The following FGF14 variants were observed in gnomAD, a reference collection of about 807,000 sequenced individuals.
FGF14 encodes fibroblast growth factor 14, also known as fibroblast growth factor homologous factor 4.
FGF14 carries 5 observed loss-of-function variants against 25.5 expected under a neutral mutation model. The observed-to-expected ratio is 0.20, with a 90% CI of 0.10 to 0.41. The LOEUF (loss-of-function observed/expected upper bound fraction) is 0.41, where lower values mean the gene tolerates loss of function less well. Among genes scored for constraint, FGF14 ranks in the 10% least tolerant of loss-of-function variants. FGF14 has a pLI of 1.00. For synonymous variants in FGF14, 138 were observed against 118.3 expected (o/e 1.17, Z -1.08); for missense variants, 222 against 320.1 (o/e 0.69, Z 2.34).
intron 1 of FGF14, among the ~76,000 whole-genome samples, chr13:102,302,222 A>C (rs1422253956): frequency 3.3e-5 from 5 of 152,168 alleles, no homozygotes; most frequent in African/African-American, 1.2e-4. Context: ...AGTGCCAGTT[A>C]ACCATGTTGG....
intron 1 of FGF14, among the ~76,000 whole-genome samples, chr13:101,898,341 AACACAC>A (rs55676818): frequency 0.011 from 1,545 of 144,462 alleles, 33 homozygotes; most frequent in African/African-American, 0.037. Flanking sequence ...TGAAACATAC[AACACAC>A]ACACACACAC....
At chr13:102,131,096 T>C (rs1330115774) in intron 1 of FGF14, among the ~76,000 whole-genome samples, 1 of 152,210 alleles carries the variant, frequency 6.6e-6, no homozygotes, top group African/African-American at 2.4e-5. Context: ...CTCCAATTGA[T>C]GTGTTTCTGG....
intron 1 of FGF14, among the ~76,000 whole-genome samples, chr13:102,267,552 G>A (rs1311119044): frequency 1.3e-5 from 2 of 152,052 alleles, no homozygotes. Flanking sequence ...TACATGTAAA[G>A]GATATATGTA....
chr13:101,760,006 T>C (rs535689866), intron 3 of FGF14, among the ~76,000 whole-genome samples: 25 of 152,296 alleles, frequency 1.6e-4, no homozygotes, highest in African/African-American at 5.1e-4. Context: ...TTGTGTTTCT[T>C]CATCTAATAC....
chr13:101,971,397 G>A (rs1367450692), intron 1 of FGF14, among the ~76,000 whole-genome samples: 1 of 150,532 alleles, frequency 6.6e-6, no homozygotes, highest in African/African-American at 2.4e-5. Flanking sequence ...TTTGAAATGG[G>A]TCTCACTCTG....
chr13:102,311,101 C>T (rs193123342), intron 1 of FGF14, among the ~76,000 whole-genome samples: 2 of 152,262 alleles, frequency 1.3e-5, no homozygotes, highest in East Asian at 1.9e-4. Flanking sequence ...TAGACTGCTC[C>T]GTTGCACCCT....
intron 3 of FGF14, among the ~76,000 whole-genome samples, chr13:101,801,290 T>C (rs1243950984): frequency 6.6e-6 from 1 of 152,130 alleles, no homozygotes; most frequent in East Asian, 1.9e-4. Flanking sequence ...GAAAATATGA[T>C]CTAAAACAAT....
At chr13:102,165,761 G>A (rs983210706) in intron 1 of FGF14, among the ~76,000 whole-genome samples, 1 of 150,572 alleles carries the variant, frequency 6.6e-6, no homozygotes, top group Non-Finnish European at 1.5e-5. Flanking sequence ...ACATGTATAC[G>A]TATGTAACCT....
In FGF14 at chr13:101,717,317, T is replaced by G. The variant is rs2034763196; in HGVS notation, c.*5514A>C. 2.0e-5 allele frequency: 3 copies of G among 152,144 alleles called. 1 individual carries two copies. In the South Asian group the frequency reaches 6.2e-4, roughly 32 times the overall value. The allele number at this position is 152,144 out of a possible 1,614,324, so 9.4% of individuals were successfully genotyped here. ...TAATAGATTTATAAAAATTGTTATC[T>G]CTATCCTGAGATTAAGGAGTGCAAC... On this transcript the variant is annotated 3_prime_UTR_variant, in exon 5 of 5. Transcript: ENST00000376143.
At chr13:101,750,289 T>A (rs1156324195) in intron 3 of FGF14, among the ~76,000 whole-genome samples, 1 of 152,118 alleles carries the variant, frequency 6.6e-6, no homozygotes, top group Non-Finnish European at 1.5e-5. Flanking sequence ...TATCCCAGCA[T>A]ATAACTGCCA....
At chr13:101,933,553 G>C (rs2139259887) in intron 1 of FGF14, among the ~76,000 whole-genome samples, 1 of 152,166 alleles carries the variant, frequency 6.6e-6, no homozygotes, top group East Asian at 1.9e-4. Flanking sequence ...GTGAAACCCT[G>C]TCTCTACTAA....
intron 3 of FGF14, among the ~76,000 whole-genome samples, chr13:101,775,889 C>G (rs924638986): frequency 2.0e-5 from 3 of 152,126 alleles, no homozygotes; most frequent in Admixed American, 6.5e-5. Context: ...GTTCAGGCCA[C>G]GTTCACAAAC....
chr13:102,073,497 T>C (rs1174710521), intron 1 of FGF14, among the ~76,000 whole-genome samples: 1 of 152,224 alleles, frequency 6.6e-6, no homozygotes, highest in Non-Finnish European at 1.5e-5. Context: ...CCAACATTTA[T>C]GTATAATTGG....
chr13:102,372,000 T>C (rs940002609), intron 1 of FGF14, among the ~76,000 whole-genome samples: 1 of 152,184 alleles, frequency 6.6e-6, no homozygotes, highest in African/African-American at 2.4e-5. Flanking sequence ...CTGAAGTTCT[T>C]GGGATCAGAT....
chr13:102,062,642 T>G (rs1385020923), intron 1 of FGF14, among the ~76,000 whole-genome samples: 1 of 152,188 alleles, frequency 6.6e-6, no homozygotes, highest in African/African-American at 2.4e-5. Flanking sequence ...ATGAATCATT[T>G]GAAACAAATT....
Position 102,400,259 on chromosome 13 carries a change from T to A in FGF14, c.208+1212A>T, listed in dbSNP as rs555409443. Among the ~76,000 whole-genome samples, 4 of 152,250 alleles carry A rather than the reference T, an allele frequency of 2.6e-5. No homozygotes were observed. The highest frequency in any genetic ancestry group is 4.4e-5 in the Non-Finnish European group (3 of 68,004). ...TCAGGGAGGCCGTGGAGAGCCATGA[T>A]CTACTGCACCGCAGTGCCAGCGTCA... On this transcript the variant is annotated intron_variant, in intron 1 of 4. Coordinates refer to the FGF14 transcript ENST00000376131. The surrounding 1 kb of genome is among the most constrained non-coding windows in gnomAD (Gnocchi z 4.3).
intron 1 of FGF14, among the ~76,000 whole-genome samples, chr13:102,397,009 G>C (rs968333487): frequency 6.6e-6 from 1 of 152,162 alleles, no homozygotes; most frequent in Admixed American, 6.5e-5. Context: ...TGCTGTTCCA[G>C]ACGTGCAGTC....
intron 1 of FGF14, among the ~76,000 whole-genome samples, chr13:101,893,051 C>T (rs540136375): frequency 6.6e-6 from 1 of 152,196 alleles, no homozygotes; most frequent in East Asian, 1.9e-4. Context: ...GATGCCATAC[C>T]CATGACCCTG....
At chr13:101,796,147 T>C (rs1487252044) in intron 3 of FGF14, among the ~76,000 whole-genome samples, 1 of 152,136 alleles carries the variant, frequency 6.6e-6, no homozygotes, top group Non-Finnish European at 1.5e-5. Context: ...AGTGGTCATG[T>C]TTTTCTTCAG....
Sources: allele counts gnomAD v4.1 joint callset (sites outside exome capture counted in the v4.1 genomes callset), GRCh38; gene constraint gnomAD v4.1.1; non-coding constraint Gnocchi (gnomAD v3.1); transcripts MANE v1.5; gene names NCBI Gene and HGNC (gene_info 2026-07-23, HGNC 2026-07-21).